AKAP17A: variants seen among roughly 807,000 people sequenced by gnomAD.
AKAP17A encodes the protein A-kinase anchor protein 17A.
Under a neutral mutation model 52.2 loss-of-function variants are expected in AKAP17A, and 15 were observed. That is an observed-to-expected ratio of 0.29 (90% CI 0.19 to 0.44). The LOEUF (loss-of-function observed/expected upper bound fraction) is 0.44, where lower values mean the gene tolerates loss of function less well. Among genes scored for constraint, AKAP17A ranks in the 20% least tolerant of loss-of-function variants. AKAP17A has a pLI of 1.00. For synonymous variants in AKAP17A, 514 were observed against 424.7 expected (o/e 1.21, Z -2.58); for missense variants, 1,060 against 1,007.0 (o/e 1.05, Z -0.71).
Position 1,600,651 on chromosome X carries a change from C to A in AKAP17A, c.1153-8C>A. 4.6e-6 allele frequency: 7 copies of A among 1,530,806 alleles called. No individual in the cohort carries two copies. The highest frequency in any genetic ancestry group is 6.2e-6 in the Non-Finnish European group (7 of 1,137,896). 94.8% of individuals were successfully genotyped at this position (1,530,806 alleles called of 1,614,324 possible). A position where few individuals can be genotyped will look rare whatever the true frequency, so the allele number is the denominator to read the frequency against. On this transcript the variant is annotated splice_region_variant and splice_polypyrimidine_tract_variant and intron_variant, in intron 4 of 4. Coordinates refer to ENST00000313871, the MANE Select transcript of AKAP17A (RefSeq NM_005088.3). ...CCGGGCTCAGCTGCACTTTCCTCTTCCCCGCAGGCTGTGAAGCTACGGGAA... is the reference window on the plus strand; with the variant it reads ...CCGGGCTCAGCTGCACTTTCCTCTTACCCGCAGGCTGTGAAGCTACGGGAA...
Position 1,596,509 on chromosome X carries a change from C to T in AKAP17A, c.911+977C>T, listed in dbSNP as rs749547670. 4.6e-4 allele frequency among the ~76,000 whole-genome samples: 62 copies of T among 135,378 alleles called. 5 individuals carry two copies. In the South Asian group the frequency reaches 0.015, roughly 33 times the overall value. The allele number at this position is 135,378 out of a possible 152,430, so 88.8% of individuals were successfully genotyped here. ...CTCCTCCTCCTCCATCCCTCCCACC[C>T]TCCTAGTGAGGCGGAATCCTCCTCT... On this transcript the variant is annotated intron_variant, in intron 3 of 4. Coordinates refer to ENST00000313871, the MANE Select transcript of AKAP17A (RefSeq NM_005088.3).
chrX:1,600,235 T>C, intron 4 of AKAP17A: 1 of 1,307,040 alleles, frequency 7.7e-7, no homozygotes, highest in South Asian at 1.2e-5. Flanking sequence ...TAACCCAGGC[T>C]AGGCCAGGCT....
chrX:1,593,408 G>A (rs375542523), intron 1 of AKAP17A, 36 bp from the exon 2 acceptor site: 1 of 1,561,866 alleles, frequency 6.4e-7, no homozygotes. Context: ...GGAGGTGGGG[G>A]GTGCTGGTGC....
intron 3 of AKAP17A, 142 bp downstream of exon 3, chrX:1,595,674 A>C (rs1932940443): frequency 1.5e-6 from 2 of 1,332,074 alleles, no homozygotes; most frequent in African/African-American, 2.9e-5. Context: ...ACCTGTGTGC[A>C]TGGACGCACG....
chrX:1,601,924 C>G lies in AKAP17A; in HGVS notation c.*330C>G, dbSNP rs1396537513. 9.5e-6 allele frequency: 3 copies of G among 315,738 alleles called. No homozygotes were observed. Among genetic ancestry groups the G allele is most frequent in the Non-Finnish European group, 1.7e-5 (3 of 173,168 alleles). 19.6% of individuals were successfully genotyped at this position (315,738 alleles called of 1,614,324 possible). On this transcript the variant is annotated 3_prime_UTR_variant, in exon 5 of 5. Transcript: ENST00000313871. The stretch of plus-strand genomic sequence containing the variant: ...GGATGGCAGAGCTGCTGCATTCCCC[C>G]ACACGGGGATTTCTGTGTCTGCTTG...
intron 3 of AKAP17A, among the ~76,000 whole-genome samples, chrX:1,597,177 G>A (rs1933045353): frequency 6.6e-6 from 1 of 151,564 alleles, no homozygotes; most frequent in South Asian, 2.1e-4. Flanking sequence ...GAGAGTCCCG[G>A]CACTGAACTC....
At position 1,594,194 on chromosome X, in the gene AKAP17A, G is replaced by A. The variant is rs769168557; in HGVS notation, c.732G>A (p.Glu244=). Residue 244 remains glutamate (E), a synonymous_variant, in exon 2 of 5, where the codon GAG becomes GAA. Coordinates refer to ENST00000313871, the MANE Select transcript of AKAP17A (RefSeq NM_005088.3). ...GGATGAAACTCATGTACAAGGGCGA[G>A]GACGGCAAGGCCGTGGCCTGCAACA... ...LRGMKLMYKG[E]DGKAVACNIK... 2.1e-5 allele frequency: 33 copies of A among 1,565,580 alleles called. No homozygotes were observed. The highest frequency in any genetic ancestry group is 2.9e-5 in the Non-Finnish European group (33 of 1,152,664).
chrX:1,597,349 C>T (rs1284077746), intron 3 of AKAP17A, among the ~76,000 whole-genome samples: 1 of 152,150 alleles, frequency 6.6e-6, no homozygotes, highest in Non-Finnish European at 1.5e-5. Context: ...TGGGGGGGCC[C>T]ATGTCAGCCG....
rs1242548005 is a variant in AKAP17A, at chrX:1,601,957, C to T, written c.*363C>T. 4.1e-6 allele frequency: 1 copy of T among 244,330 alleles called. No homozygotes were observed. Among genetic ancestry groups the T allele is most frequent in the African/African-American group, 2.2e-5 (1 of 44,710 alleles). 15.1% of individuals were successfully genotyped at this position (244,330 alleles called of 1,614,324 possible). ...GATTTCTGTGTCTGCTTGGCGACCT[C>T]CCTGCGTGCACGGCCTAGGAGGTGC... On this transcript the variant is annotated 3_prime_UTR_variant, in exon 5 of 5. Coordinates refer to ENST00000313871, the MANE Select transcript of AKAP17A (RefSeq NM_005088.3).
intron 3 of AKAP17A, among the ~76,000 whole-genome samples, chrX:1,597,898 G>T (rs771297259): frequency 6.6e-6 from 1 of 152,240 alleles, no homozygotes; most frequent in East Asian, 1.9e-4. Flanking sequence ...CAGGCCTGTT[G>T]TCTGGGGGAG....
chrX:1,595,340 G>T (rs1439240973), intron 2 of AKAP17A, 44 bp from the exon 3 acceptor site: 2 of 1,611,528 alleles, frequency 1.2e-6, no homozygotes, highest in East Asian at 4.5e-5. Context: ...TGTGTCTGGG[G>T]GGTTTTGGGG....
rs748240202 is a variant in AKAP17A at position 1,593,921 on chromosome X, G to C, written c.459G>C (p.Gly153=). The C allele has an allele frequency of 9.3e-6, 15 of 1,611,272 alleles. No individual in the cohort carries two copies. In the East Asian group the frequency reaches 3.1e-4, roughly 34 times the overall value. ...GGCCGGACACCATCCACCTGGAGGG[G>C]CTGCCCTGCAAGTGGTTCGCCCTGA... is the stretch of plus-strand genomic sequence containing the variant. The part of the protein sequence containing the change: ...GERPDTIHLE[G]LPCKWFALKE... Residue 153 remains glycine (G), a synonymous_variant, in exon 2 of 5, where the codon GGG becomes GGC. Coordinates refer to ENST00000313871, the MANE Select transcript of AKAP17A (RefSeq NM_005088.3).
chrX:1,601,855 G>GTACTT lies in AKAP17A; in HGVS notation c.*261_*262insTACTT. 1 of 394,368 alleles carries GTACTT rather than the reference G, an allele frequency of 2.5e-6. No individual in the cohort carries two copies. Among genetic ancestry groups the GTACTT allele is most frequent in the Non-Finnish European group, 4.5e-6 (1 of 224,292 alleles). The allele number at this position is 394,368 out of a possible 1,614,324, so 24.4% of individuals were successfully genotyped here. Reference sequence around the variant, plus strand: ...TTGATCCGATAGCTTTAATGCGGCCGGTCCTCTCTCAGTCAGGAAAATTGC... The same window carrying GTACTT: ...TTGATCCGATAGCTTTAATGCGGCCGTACTTGTCCTCTCTCAGTCAGGAAAATTGC... On this transcript the variant is annotated 3_prime_UTR_variant, in exon 5 of 5. Coordinates refer to ENST00000313871, the MANE Select transcript of AKAP17A (RefSeq NM_005088.3).
At position 1,593,484 on chromosome X, in the gene AKAP17A, C is replaced by T. The variant is rs748035868; in HGVS notation, c.22C>T (p.His8Tyr). 29 of 1,613,312 alleles carry T rather than the reference C, an allele frequency of 1.8e-5. No individual in the cohort carries two copies. The East Asian group carries it at 4.7e-4, about 26-fold the overall frequency. The part of the protein sequence containing the change: MAAATIV[H>Y]DTSEAVELCP... Reference sequence around the variant, plus strand: ...GGCTATGGCAGCGGCTACCATCGTGCACGACACGTCTGAGGCCGTGGAGCT... The same window carrying T: ...GGCTATGGCAGCGGCTACCATCGTGTACGACACGTCTGAGGCCGTGGAGCT... The change falls in exon 2 of 5, where the codon CAC (histidine) becomes TAC (tyrosine). Residue 8 changes from histidine to tyrosine, a missense_variant. Physicochemically the swap from His to Tyr is moderately conservative, Grantham distance 83. Around this residue, in one of 2 missense-constraint regions of AKAP17A, gnomAD observed 267 missense variants for 377.1 expected, o/e 0.71. Coordinates refer to ENST00000313871, the MANE Select transcript of AKAP17A (RefSeq NM_005088.3).
chrX:1,597,511 T>G (rs57000981), intron 3 of AKAP17A, among the ~76,000 whole-genome samples: 2,217 of 152,168 alleles, frequency 0.015, 48 homozygotes, highest in African/African-American at 0.05. Context: ...TCAGCCACTG[T>G]CAGGCCGAGC....
At chrX:1,597,415 G>A (rs763239287) in intron 3 of AKAP17A, among the ~76,000 whole-genome samples, 11 of 152,322 alleles carry the variant, frequency 7.2e-5, no homozygotes, top group Non-Finnish European at 1.6e-4. Context: ...CCCTGGGAGG[G>A]AGGGACATGC....
chrX:1,593,877 G>A lies in AKAP17A; in HGVS notation c.415G>A (p.Glu139Lys). 4 of 1,612,658 alleles carry A rather than the reference G, an allele frequency of 2.5e-6. No individual in the cohort carries two copies. The highest frequency in any genetic ancestry group is 3.4e-6 in the Non-Finnish European group (4 of 1,179,144). ...SFFRDAKDMN[E>K]TLPGERPDTI... is the part of the protein sequence containing the mutation. ...CTTCCGCGACGCCAAGGACATGAAC[G>A]AGACCCTGCCGGGGGAGCGGCCGGA... is the stretch of plus-strand genomic sequence containing the variant. The change falls in exon 2 of 5, where the codon GAG (glutamate) becomes AAG (lysine). Residue 139 changes from glutamate (E) to lysine (K), a missense_variant. Around this residue, in one of 2 missense-constraint regions of AKAP17A, gnomAD observed 267 missense variants for 377.1 expected, o/e 0.71. Coordinates refer to ENST00000313871, the MANE Select transcript of AKAP17A (RefSeq NM_005088.3).
At chrX:1,600,057 G>T in intron 4 of AKAP17A, 1 of 863,076 alleles carries the variant, frequency 1.2e-6, no homozygotes, top group Non-Finnish European at 1.7e-6. Flanking sequence ...GACGTCCCCG[G>T]CACGCTCCTT....
chrX:1,591,874 C>G (rs7887702), intron 1 of AKAP17A, 105 bp downstream of exon 1: 2 of 139,540 alleles, frequency 1.4e-5, no homozygotes, highest in African/African-American at 5.4e-5. Flanking sequence ...CGCCTAGGGG[C>G]CTCGGAGGTG....
Sources: allele counts gnomAD v4.1 joint callset (sites outside exome capture counted in the v4.1 genomes callset), GRCh38; gene constraint gnomAD v4.1.1; regional missense constraint gnomAD v4.1.1; transcripts MANE v1.5; gene names NCBI Gene and HGNC (gene_info 2026-07-23, HGNC 2026-07-21).